The following CLEC20A variants were observed in gnomAD, a reference collection of about 807,000 sequenced individuals.
CLEC20A encodes the protein C-type lectin domain containing 20A, also known as putative C-type lectin domain family 20 member A.
At chr1:178,494,409 GC>G in intron 2 of CLEC20A, 44 bp downstream of exon 2, 1 of 399,830 alleles carries the variant, frequency 2.5e-6, no homozygotes, top group Non-Finnish European at 4.4e-6. Flanking sequence ...ACAGAGTGAG[GC>G]CCCTGGGGGA....
At chr1:178,482,460 C>T (rs1285027968) in intron 6 of CLEC20A, 63 bp from the exon 7 acceptor site, 1 of 398,052 alleles carries the variant, frequency 2.5e-6, no homozygotes. Context: ...AAGTTCTTAG[C>T]AGTCAGGAGC....
At chr1:178,490,740 A>G (rs1649250153) in intron 3 of CLEC20A, among the ~76,000 whole-genome samples, 1 of 152,232 alleles carries the variant, frequency 6.6e-6, no homozygotes. Flanking sequence ...ACAATGGGAA[A>G]ATAATAGTAC....
intron 2 of CLEC20A, among the ~76,000 whole-genome samples, 165 bp downstream of exon 2, chr1:178,494,289 T>C (rs1649336264): frequency 3.9e-5 from 6 of 152,200 alleles, no homozygotes. Context: ...TATGGTGGCA[T>C]GCACCTGTAG....
chr1:178,479,410 G>T, exon 8 of CLEC20A: 1 of 391,790 alleles, frequency 2.6e-6, no homozygotes, highest in Admixed American at 4.4e-5. Context: ...TTAGTTGTAG[G>T]TCTGTGCTTT....
chr1:178,480,169 T>G (rs190173991), intron 7 of CLEC20A: 1 of 152,322 alleles, frequency 6.6e-6, no homozygotes, highest in East Asian at 1.9e-4. Context: ...TTTCCTTCCC[T>G]TCTATTTGGA....
intron 4 of CLEC20A, among the ~76,000 whole-genome samples, chr1:178,488,820 TTAAGGA>T (rs1649212249): frequency 6.6e-6 from 1 of 152,174 alleles, no homozygotes; most frequent in African/African-American, 2.4e-5. Flanking sequence ...AAGAGCATCT[TTAAGGA>T]TAAGGATCAT....
At chr1:178,489,970 C>T (rs1486581697) in intron 4 of CLEC20A, 102 bp downstream of exon 4, 1 of 397,652 alleles carries the variant, frequency 2.5e-6, no homozygotes, top group Non-Finnish European at 4.4e-6. Context: ...GAAGTGCTTC[C>T]TTGGGTCTAT....
At chr1:178,493,679 C>T (rs1051224807) in intron 2 of CLEC20A, 2 of 152,252 alleles carry the variant, frequency 1.3e-5, no homozygotes, top group Admixed American at 6.5e-5. Flanking sequence ...GCTCCCACTG[C>T]CCACTTAGCG....
upstream of CLEC20A, among the ~76,000 whole-genome samples, chr1:178,498,500 G>A (rs1211235070): frequency 2.6e-5 from 4 of 152,196 alleles, no homozygotes; most frequent in African/African-American, 9.6e-5. Flanking sequence ...TGAGACAGGA[G>A]GATTGCTTGA....
At chr1:178,492,555 C>A in exon 3 of CLEC20A, 1 of 398,360 alleles carries the variant, frequency 2.5e-6, no homozygotes, top group East Asian at 3.6e-5. Context: ...ATGAGGTGCC[C>A]GACGTCAGGG....
chr1:178,497,795 A>T (rs565125230), upstream of CLEC20A, among the ~76,000 whole-genome samples: 24 of 152,316 alleles, frequency 1.6e-4, no homozygotes, highest in African/African-American at 5.3e-4. Flanking sequence ...GGAAGGCAAC[A>T]TGGATCTGGT....
At chr1:178,490,995 C>T (rs1224123971) in intron 3 of CLEC20A, among the ~76,000 whole-genome samples, 1 of 152,188 alleles carries the variant, frequency 6.6e-6, no homozygotes, top group Non-Finnish European at 1.5e-5. Context: ...ACTCACCGTG[C>T]CTGGAGAGCC....
intron 6 of CLEC20A, 31 bp downstream of exon 6, chr1:178,483,144 G>T: frequency 5.0e-6 from 2 of 398,560 alleles, no homozygotes; most frequent in South Asian, 1.3e-4. Context: ...CCACTGGTAA[G>T]AGTAGGAACT....
At chr1:178,496,661 G>T (rs1340247351) in intron 1 of CLEC20A, 1 of 395,362 alleles carries the variant, frequency 2.5e-6, no homozygotes, top group African/African-American at 2.1e-5. Context: ...AGCTGCTGGA[G>T]CCGCACTGTT....
At chr1:178,498,430 A>G (rs979477132), upstream of CLEC20A, among the ~76,000 whole-genome samples, 1 of 152,096 alleles carries the variant, frequency 6.6e-6, no homozygotes, top group Non-Finnish European at 1.5e-5. Context: ...CATCTCTACA[A>G]AAATTATAAA....
upstream of CLEC20A, among the ~76,000 whole-genome samples, chr1:178,497,738 A>G (rs576032276): frequency 5.3e-5 from 8 of 152,332 alleles, no homozygotes; most frequent in African/African-American, 1.7e-4. Flanking sequence ...TGCCTTTTGC[A>G]AGTTGATTTT....
At chr1:178,493,631 C>CCTA (rs1468065444) in intron 2 of CLEC20A, 1 of 152,260 alleles carries the variant, frequency 6.6e-6, no homozygotes, top group African/African-American at 2.4e-5. Flanking sequence ...GCATGGCGTA[C>CCTA]CGATGGTGGA....
rs138341314 is a variant in CLEC20A at position 178,494,519 on chromosome 1, C to T, written c.332G>A (p.Trp111Ter). The T allele has an allele frequency of 3.2e-4, 129 of 399,584 alleles. 2 individuals carry two copies. Among genetic ancestry groups the T allele is most frequent in the East Asian group, 3.1e-3 (86 of 28,080 alleles). The allele number at this position is 399,584 out of a possible 1,614,324, so 24.8% of individuals were successfully genotyped here. Residue 111 changes from tryptophan to a stop codon, truncating the protein, a stop_gained, in exon 2 of 8, where the codon TGG becomes TAG. Transcript: ENST00000623247. LOFTEE classifies it high-confidence loss of function. The stretch of plus-strand genomic sequence containing the variant: ...AGCCCCTATGCTGGGTAATTTCAGC[C>T]AAGTGTACAGCGTGGCACAGAAGCC...
At chr1:178,499,040 T>C (rs1649465805), upstream of CLEC20A, among the ~76,000 whole-genome samples, 1 of 152,172 alleles carries the variant, frequency 6.6e-6, no homozygotes, top group South Asian at 2.1e-4. Flanking sequence ...GATGCTGCCC[T>C]GCCAGCCACC....
Sources: gnomAD v4.1 joint callset for allele counts (sites outside exome capture counted in the v4.1 genomes callset) on GRCh38, gnomAD v4.1.1 for gene constraint, MANE v1.5 for transcripts, NCBI Gene and HGNC (gene_info 2026-07-23, HGNC 2026-07-21) for gene names.